SGCZ: variants seen among roughly 807,000 people sequenced by gnomAD.
SGCZ encodes the protein sarcoglycan zeta, also known as zeta-sarcoglycan.
Under a neutral mutation model 41.3 loss-of-function variants are expected in SGCZ, and 40 were observed. That is an observed-to-expected ratio of 0.97 (90% CI 0.75 to 1.26). SGCZ has a LOEUF of 1.26. SGCZ is among the 50% of genes most tolerant of loss of function. The pLI is 0.00. For synonymous variants in SGCZ, 206 were observed against 137.5 expected (o/e 1.50, Z -3.49); for missense variants, 552 against 369.8 (o/e 1.49, Z -4.04).
Position 14,258,757 on chromosome 8 carries a change from G to A in SGCZ, c.337-21078C>T, listed in dbSNP as rs375629125. Reference sequence around the variant, plus strand: ...TAAACTGCAGTTTGTATATCTTAAGGTATTTTAGACAAGCTTGCATGACCT... The same window carrying A: ...TAAACTGCAGTTTGTATATCTTAAGATATTTTAGACAAGCTTGCATGACCT... On this transcript the variant is annotated intron_variant, in intron 3 of 7. Transcript: ENST00000382080. Among the ~76,000 whole-genome samples the A allele has an allele frequency of 7.2e-5, 11 of 152,222 alleles. No individual in the cohort carries two copies. The East Asian group carries it at 2.1e-3, about 29-fold the overall frequency.
intron 1 of SGCZ, among the ~76,000 whole-genome samples, chr8:15,163,005 A>T (rs888987625): frequency 3.1e-4 from 47 of 152,168 alleles, no homozygotes; most frequent in African/African-American, 9.9e-4. Context: ...CCTTCAAAAC[A>T]TTATTTTGAA....
intron 1 of SGCZ, among the ~76,000 whole-genome samples, chr8:14,992,159 T>C (rs377486382): frequency 6.8e-6 from 1 of 147,740 alleles, no homozygotes; most frequent in Non-Finnish European, 1.5e-5. Flanking sequence ...TCCCCCATCA[T>C]CCTCATCTAA....
intron 1 of SGCZ, among the ~76,000 whole-genome samples, chr8:14,818,269 G>C (rs1268871404): frequency 1.3e-5 from 2 of 152,116 alleles, no homozygotes; most frequent in Non-Finnish European, 2.9e-5. Flanking sequence ...ACACATGTCT[G>C]GCCTGACGAC....
At chr8:14,677,028 T>G (rs1274048620) in intron 1 of SGCZ, among the ~76,000 whole-genome samples, 1 of 151,926 alleles carries the variant, frequency 6.6e-6, no homozygotes, top group African/African-American at 2.4e-5. Context: ...AAAACAATAT[T>G]TGTTAACAGA....
At chr8:14,167,031 T>C (rs1563163543) in intron 4 of SGCZ, among the ~76,000 whole-genome samples, 1 of 152,124 alleles carries the variant, frequency 6.6e-6, no homozygotes, top group Non-Finnish European at 1.5e-5. Context: ...TACAAGCAAT[T>C]AGCAATGCAT....
At chr8:14,506,016 T>C (rs1274933635) in intron 2 of SGCZ, among the ~76,000 whole-genome samples, 1 of 152,058 alleles carries the variant, frequency 6.6e-6, no homozygotes, top group East Asian at 1.9e-4. Flanking sequence ...TTCTTCTTTT[T>C]TTTTTCATTC....
At chr8:14,511,683 A>C (rs1033895299) in intron 2 of SGCZ, among the ~76,000 whole-genome samples, 1 of 152,192 alleles carries the variant, frequency 6.6e-6, no homozygotes, top group African/African-American at 2.4e-5. Context: ...ATGAAATGTG[A>C]AAGAATTTAG....
chr8:15,132,851 AAAG>A (rs1807962713), intron 1 of SGCZ, among the ~76,000 whole-genome samples: 1 of 152,190 alleles, frequency 6.6e-6, no homozygotes, highest in African/African-American at 2.4e-5. Context: ...AGCAAAAATA[AAAG>A]AAGTGGCCAG....
chr8:14,690,419 G>A (rs569224503), intron 1 of SGCZ: 1 of 152,030 alleles, frequency 6.6e-6, no homozygotes, highest in Non-Finnish European at 1.5e-5. Flanking sequence ...AGGGTATTAG[G>A]CACCTCAAGA....
At chr8:14,953,510 C>A (rs1362832694) in intron 1 of SGCZ, among the ~76,000 whole-genome samples, 1 of 152,092 alleles carries the variant, frequency 6.6e-6, no homozygotes, top group African/African-American at 2.4e-5. Flanking sequence ...AGAAAACATC[C>A]AAAGATGTAG....
intron 4 of SGCZ, among the ~76,000 whole-genome samples, chr8:14,232,612 A>AT (rs1806612091): frequency 6.6e-6 from 1 of 151,874 alleles, no homozygotes; most frequent in South Asian, 2.1e-4. Flanking sequence ...TTATTTTATT[A>AT]TTATTATATT....
At chr8:14,705,473 G>C (rs572280818) in intron 1 of SGCZ, among the ~76,000 whole-genome samples, 3 of 152,010 alleles carry the variant, frequency 2.0e-5, no homozygotes, top group African/African-American at 7.2e-5. Context: ...AAGGTAAAAT[G>C]CCTGCCATAT....
chr8:14,381,696 G>T (rs1284611216), intron 2 of SGCZ, among the ~76,000 whole-genome samples: 1 of 151,884 alleles, frequency 6.6e-6, no homozygotes. Flanking sequence ...TAAGGTGAAA[G>T]GGTCTCTTGA....
chr8:14,234,832 TGA>T (rs1262625362), intron 4 of SGCZ, among the ~76,000 whole-genome samples: 1 of 152,184 alleles, frequency 6.6e-6, no homozygotes, highest in African/African-American at 2.4e-5. Flanking sequence ...CTTACATAAT[TGA>T]AGAGTTTCTG....
At chr8:14,856,193 T>G (rs551603416) in intron 1 of SGCZ, among the ~76,000 whole-genome samples, 1 of 152,262 alleles carries the variant, frequency 6.6e-6, no homozygotes, top group South Asian at 2.1e-4. Flanking sequence ...TAGCTAAGAT[T>G]AGTTATTTAG....
At chr8:14,595,010 T>TC (rs1219086320) in intron 1 of SGCZ, among the ~76,000 whole-genome samples, 1 of 151,994 alleles carries the variant, frequency 6.6e-6, no homozygotes. Context: ...TATATTTTTT[T>TC]CTGTAGTAAA....
chr8:14,340,311 C>T (rs1802657777), intron 2 of SGCZ, among the ~76,000 whole-genome samples: 1 of 152,146 alleles, frequency 6.6e-6, no homozygotes, highest in African/African-American at 2.4e-5. Context: ...GCTTTTCATA[C>T]TCTAAACCAT....
intron 2 of SGCZ, among the ~76,000 whole-genome samples, chr8:14,537,905 A>G (rs1803346016): frequency 6.6e-6 from 1 of 151,656 alleles, no homozygotes; most frequent in South Asian, 2.1e-4. Context: ...ATAGAAAGAG[A>G]CCCTCTATCT....
intron 5 of SGCZ, 66 bp from the exon 6 acceptor site, chr8:14,108,301 T>C (rs1802270801): frequency 1.4e-6 from 2 of 1,388,582 alleles, no homozygotes; most frequent in African/African-American, 1.4e-5. Context: ...ATCTCTATGT[T>C]TATGCATCAA....
Sources: gnomAD v4.1 joint callset for allele counts (sites outside exome capture counted in the v4.1 genomes callset) on GRCh38, gnomAD v4.1.1 for gene constraint, MANE v1.5 for transcripts, NCBI Gene and HGNC (gene_info 2026-07-23, HGNC 2026-07-21) for gene names.